Variants in VWF observed in about 807,000 individuals in gnomAD.
The protein encoded by VWF is Factor VIII related antigen.
In VWF, 176 loss-of-function variants were observed where a neutral mutation model predicts 308.6. The ratio of observed to expected loss-of-function variants is 0.57; its 90% CI spans 0.50 to 0.65. VWF has a LOEUF of 0.65. Ranked by LOEUF, VWF falls within the 30% of genes least tolerant of loss-of-function variation. VWF has a pLI of 0.00. For missense variants in VWF, 3,146 were observed against 3,648.2 expected (o/e 0.86, Z 3.55); for synonymous variants, 1,385 against 1,443.4 (o/e 0.96, Z 0.92).
At chr12:6,120,139 G>A (rs1472739895) in intron 3 of VWF, among the ~76,000 whole-genome samples, 12 of 152,114 alleles carry the variant, frequency 7.9e-5, no homozygotes, top group East Asian at 7.7e-4. Flanking sequence ...GTCAGTCCCC[G>A]CTGACTGATG....
At chr12:5,990,308 T>G (rs76362957) in intron 38 of VWF, among the ~76,000 whole-genome samples, 6,744 of 152,268 alleles carry the variant, frequency 0.044, 506 homozygotes, top group African/African-American at 0.15. Context: ...AATCCCAGCT[T>G]TATCACCTCA....
rs188499590 is a variant in VWF at position 6,077,441 on chromosome 12, A to G, written c.658-1890T>C. On this transcript the variant is annotated intron_variant, in intron 6 of 51. Transcript: ENST00000261405. The stretch of plus-strand genomic sequence containing the variant: ...AGCTGCTCTGCGTCTCGGGGCCAAC[A>G]GCAGCCCCTCCACGGCCCTGCCTTG... Among the ~76,000 whole-genome samples, 597 of 152,326 alleles carry G rather than the reference A, an allele frequency of 3.9e-3. 4 individuals are homozygous for G. The highest frequency in any genetic ancestry group is 0.013 in the African/African-American group (560 of 41,580).
intron 42 of VWF, 56 bp downstream of exon 42, chr12:5,981,730 G>A: frequency 1.3e-6 from 2 of 1,569,642 alleles, no homozygotes; most frequent in African/African-American, 1.3e-5. Flanking sequence ...TAAACTGACA[G>A]CAATAAATAA....
In VWF at chr12:6,044,374, C is replaced by G; in HGVS notation, c.2359G>C (p.Glu787Gln). 1 of 1,614,168 alleles carries G rather than the reference C, an allele frequency of 6.2e-7. No homozygotes were observed. The highest frequency in any genetic ancestry group is 8.5e-7 in the Non-Finnish European group (1 of 1,180,016). Residue 787 changes from glutamate (E) to glutamine (Q), a missense_variant, in exon 18 of 52, where the codon GAG (glutamate) becomes CAG (glutamine). Glu to Gln is a conservative substitution (Grantham distance 29). This residue lies in a region of VWF where 1,304 missense variants were observed against 1,353.0 expected (regional missense o/e 0.96). Coordinates refer to ENST00000261405, the MANE Select transcript of VWF (RefSeq NM_000552.5). Reference sequence around the variant, plus strand: ...TAGTTCTGGCACGTTTTGGTACACTCGAGCCCTTCAGCCCGCAGGTTGTCA... The same window carrying G: ...TAGTTCTGGCACGTTTTGGTACACTGGAGCCCTTCAGCCCGCAGGTTGTCA... ...PADNLRAEGL[E>Q]CTKTCQNYDL...
Position 5,995,997 on chromosome 12 carries a change from C to G in VWF, c.6063+5G>C. 1 of 1,612,058 alleles carries G rather than the reference C, an allele frequency of 6.2e-7. No homozygotes were observed. Among genetic ancestry groups the G allele is most frequent in the Non-Finnish European group, 8.5e-7 (1 of 1,179,798 alleles). ...TACCACGGATCCACAGAAAGTACTT[C>G]TCACCTCCATGTCACTGTGCAGCTC... On this transcript the variant is annotated splice_donor_5th_base_variant and intron_variant, in intron 35 of 51. Transcript: ENST00000261405.
chr12:5,974,803 G>A (rs557359700), intron 43 of VWF, among the ~76,000 whole-genome samples: 1 of 152,218 alleles, frequency 6.6e-6, no homozygotes, highest in African/African-American at 2.4e-5. Flanking sequence ...CATGCTGTAG[G>A]ACCACGGTGC....
At position 6,109,658 on chromosome 12, in the gene VWF, C is replaced by CT. The variant is rs372973457; in HGVS notation, c.532+715dup. 3.9e-3 allele frequency among the ~76,000 whole-genome samples: 585 copies of CT among 149,434 alleles called. 5 individuals are homozygous for CT. Among genetic ancestry groups the CT allele is most frequent in the African/African-American group, 0.013 (525 of 40,900 alleles). The stretch of plus-strand genomic sequence containing the variant: ...TTGAAATATTCATCTTTAGTGTTTT[C>CT]TTTTTTTTTTGAGACGGAGTCTCGC... On this transcript the variant is annotated intron_variant, in intron 5 of 51. Transcript: ENST00000261405.
Position 6,072,348 on chromosome 12 carries a change from A to G in VWF, c.1092T>C (p.Ser364=). The change falls in exon 9 of 52, where the codon TCT becomes TCC. Residue 364 remains serine, a synonymous_variant. Coordinates refer to ENST00000261405, the MANE Select transcript of VWF (RefSeq NM_000552.5). The part of the protein sequence containing the change: ...GKRYPPGTSL[S]RDCNTCICRN... ...CCCATTACCAGGTGTTGCAGTCTCG[A>G]GAGAGGGAGGTGCCGGGAGGGTAGC... The G allele has an allele frequency of 4.3e-6, 7 of 1,613,970 alleles. No homozygotes were observed. The highest frequency in any genetic ancestry group is 5.9e-6 in the Non-Finnish European group (7 of 1,179,982).
At chr12:6,061,261 C>T (rs1046061481) in intron 13 of VWF, among the ~76,000 whole-genome samples, 1 of 151,656 alleles carries the variant, frequency 6.6e-6, no homozygotes, top group Non-Finnish European at 1.5e-5. Flanking sequence ...CCTTGAAGAC[C>T]GGGGTGCAGG....
chr12:6,026,128 C>T (rs536353943), intron 22 of VWF, 82 bp from the exon 23 acceptor site: 72 of 1,600,268 alleles, frequency 4.5e-5, no homozygotes, highest in East Asian at 1.8e-4. Context: ...ACATTCCTGG[C>T]GGCAATGGAG....
At chr12:6,106,784 A>G (rs1177401558) in intron 5 of VWF, among the ~76,000 whole-genome samples, 1 of 148,512 alleles carries the variant, frequency 6.7e-6, no homozygotes, top group African/African-American at 2.5e-5. Context: ...CTGAGACTGG[A>G]GAATTGCTTC....
At chr12:6,057,735 C>T (rs1944603300) in intron 14 of VWF, 114 bp downstream of exon 14, 1 of 1,295,486 alleles carries the variant, frequency 7.7e-7, no homozygotes, top group Non-Finnish European at 1.0e-6. Context: ...GACCCCTTTC[C>T]TCGCTCCCCG....
At chr12:6,108,485 A>G (rs1365418444) in intron 5 of VWF, among the ~76,000 whole-genome samples, 1 of 151,842 alleles carries the variant, frequency 6.6e-6, no homozygotes, top group Non-Finnish European at 1.5e-5. Context: ...ACACATACAG[A>G]AGATCTGGAA....
intron 2 of VWF, 59 bp from the exon 3 acceptor site, chr12:6,121,397 C>T: frequency 6.3e-7 from 1 of 1,591,326 alleles, no homozygotes. Context: ...GGACCATCAG[C>T]TCAAACCTCT....
At chr12:5,955,780 A>G (rs1943243015) in intron 47 of VWF, among the ~76,000 whole-genome samples, 1 of 152,306 alleles carries the variant, frequency 6.6e-6, no homozygotes, top group Admixed American at 6.5e-5. Flanking sequence ...AAACTTTAGG[A>G]AAAAAATCAA....
At position 6,046,054 on chromosome 12, in the gene VWF, C is replaced by A. The variant is rs1442504649; in HGVS notation, c.2281+669G>T. Among the ~76,000 whole-genome samples, 1 of 152,156 alleles carries A rather than the reference C, an allele frequency of 6.6e-6. No individual in the cohort carries two copies. Among genetic ancestry groups the A allele is most frequent in the Non-Finnish European group, 1.5e-5 (1 of 68,028 alleles). On this transcript the variant is annotated intron_variant, in intron 17 of 51. Transcript: ENST00000261405. This position sits in a 1 kb window ranked among gnomAD's most constrained non-coding sequence, Gnocchi z 5.0. ...CCTGGCCAACATGGCAAAACCCCGT[C>A]TCTACTAAAAATACAAAAAATTAGC...
rs555282734 is a variant in VWF at position 6,088,787 on chromosome 12, A to G, written c.657+6673T>C. Among the ~76,000 whole-genome samples the G allele has an allele frequency of 5.9e-5, 9 of 152,340 alleles. No individual in the cohort carries two copies. In the South Asian group the frequency reaches 1.9e-3, roughly 32 times the overall value. On this transcript the variant is annotated intron_variant, in intron 6 of 51. Coordinates refer to ENST00000261405, the MANE Select transcript of VWF (RefSeq NM_000552.5). ...TCATAGCTTGGGGCTCCAAACTCCAACCATCTTGCCTTCAGTTTGAAAAGC... is the reference window on the plus strand; with the variant it reads ...TCATAGCTTGGGGCTCCAAACTCCAGCCATCTTGCCTTCAGTTTGAAAAGC...
In VWF at chr12:6,101,734, C is replaced by T. The variant is rs184244339; in HGVS notation, c.533-6150G>A. Among the ~76,000 whole-genome samples the T allele has an allele frequency of 1.3e-3, 199 of 151,986 alleles. 1 individual carries two copies. In the East Asian group the frequency reaches 0.032, roughly 24 times the overall value. Reference sequence around the variant, plus strand: ...GAGGTTGCTGTGAGCCGAGACACGCCGCTGCACTCCAGCCTAGGCGACAGA... The same window carrying T: ...GAGGTTGCTGTGAGCCGAGACACGCTGCTGCACTCCAGCCTAGGCGACAGA... On this transcript the variant is annotated intron_variant, in intron 5 of 51. Transcript: ENST00000261405.
At chr12:5,972,454 C>T (rs1943487253) in intron 43 of VWF, among the ~76,000 whole-genome samples, 1 of 152,176 alleles carries the variant, frequency 6.6e-6, no homozygotes, top group African/African-American at 2.4e-5. Flanking sequence ...AGAAAAGAAC[C>T]CAGGACTACG....
Sources: gnomAD v4.1 joint callset for allele counts (sites outside exome capture counted in the v4.1 genomes callset) on GRCh38, gnomAD v4.1.1 for gene constraint, gnomAD v4.1.1 regional missense constraint, Gnocchi (gnomAD v3.1) non-coding constraint, MANE v1.5 for transcripts, NCBI Gene and HGNC (gene_info 2026-07-23, HGNC 2026-07-21) for gene names.